NALF1: variants seen among roughly 807,000 people sequenced by gnomAD.
The protein encoded by NALF1 is NALCN channel auxiliary factor 1, also known as family with sequence similarity 155 member A.
NALF1 carries 3 observed loss-of-function variants against 48.4 expected under a neutral mutation model. That is an observed-to-expected ratio of 0.06 (90% CI 0.03 to 0.16). The LOEUF (loss-of-function observed/expected upper bound fraction) is 0.16. Ranked by LOEUF, NALF1 falls within the 10% of genes least tolerant of loss-of-function variation. NALF1 has a pLI of 1.00. For missense variants in NALF1, 526 were observed against 571.5 expected (o/e 0.92, Z 0.81); for synonymous variants, 262 against 245.7 (o/e 1.07, Z -0.62).
rs913662426 is a variant in NALF1, at chr13:107,209,897, T to C, written c.1087+687A>G. 9.2e-5 allele frequency among the ~76,000 whole-genome samples: 14 copies of C among 152,312 alleles called. 1 individual carries two copies. The highest frequency in any genetic ancestry group is 1.8e-4 in the Non-Finnish European group (12 of 68,028). On this transcript the variant is annotated intron_variant, in intron 2 of 2. Coordinates refer to ENST00000375915, the MANE Select transcript of NALF1 (RefSeq NM_001080396.3). ...CTTGTTCTCACCATTTAATTATCTTTTTATTTTTTAAAAAAAGGCTCTTGC... is the reference window on the plus strand; with the variant it reads ...CTTGTTCTCACCATTTAATTATCTTCTTATTTTTTAAAAAAAGGCTCTTGC...
At chr13:107,701,504 G>C (rs192425183) in intron 1 of NALF1, among the ~76,000 whole-genome samples, 1 of 152,286 alleles carries the variant, frequency 6.6e-6, no homozygotes, top group Non-Finnish European at 1.5e-5. Context: ...TACCAGGTAT[G>C]AGGGAGGGAG....
chr13:107,320,552 T>A (rs531154445), intron 1 of NALF1, among the ~76,000 whole-genome samples: 1 of 152,172 alleles, frequency 6.6e-6, no homozygotes, highest in South Asian at 2.1e-4. Flanking sequence ...CTAGAATGGG[T>A]AATAAAAAGC....
chr13:107,813,339 C>T (rs895767111), intron 1 of NALF1, among the ~76,000 whole-genome samples: 45 of 152,212 alleles, frequency 3.0e-4, no homozygotes, highest in African/African-American at 1.1e-3. Context: ...TTTATAAACA[C>T]AAGCTTAAAA....
chr13:107,652,209 C>A (rs1360138524), intron 1 of NALF1, among the ~76,000 whole-genome samples: 1 of 152,056 alleles, frequency 6.6e-6, no homozygotes, highest in Non-Finnish European at 1.5e-5. Context: ...ATTGGATTAC[C>A]TAAGGATTTA....
At chr13:107,261,006 T>C (rs1880918090) in intron 1 of NALF1, among the ~76,000 whole-genome samples, 1 of 152,212 alleles carries the variant, frequency 6.6e-6, no homozygotes, top group African/African-American at 2.4e-5. Context: ...TATTGGAGCC[T>C]GGGTTCCTGA....
At chr13:107,696,297 T>A (rs549524730) in intron 1 of NALF1, among the ~76,000 whole-genome samples, 1 of 152,242 alleles carries the variant, frequency 6.6e-6, no homozygotes, top group Non-Finnish European at 1.5e-5. Flanking sequence ...GTAAAAGATA[T>A]ACTATTGTAA....
intron 1 of NALF1, among the ~76,000 whole-genome samples, chr13:107,238,623 T>TG (rs924635760): frequency 3.3e-5 from 5 of 152,148 alleles, no homozygotes; most frequent in Non-Finnish European, 7.3e-5. Flanking sequence ...GATGAGTAGG[T>TG]GTTAGCCTAG....
At chr13:107,279,043 CT>C (rs200133690) in intron 1 of NALF1, among the ~76,000 whole-genome samples, 5,635 of 122,848 alleles carry the variant, frequency 0.046, 230 homozygotes, top group East Asian at 0.35. Flanking sequence ...TTCTTTTCTT[CT>C]TTTTTTTTTT....
chr13:107,842,795 A>G (rs1566503298), intron 1 of NALF1, among the ~76,000 whole-genome samples: 1 of 152,094 alleles, frequency 6.6e-6, no homozygotes, highest in Non-Finnish European at 1.5e-5. Context: ...GTCATTCCTC[A>G]GCACACTCTT....
At chr13:107,385,552 C>CAA (rs201307018) in intron 1 of NALF1, among the ~76,000 whole-genome samples, 1,335 of 117,848 alleles carry the variant, frequency 0.011, 82 homozygotes, top group South Asian at 0.023. Flanking sequence ...GATTCCATCT[C>CAA]AAAAAAAAAA....
chr13:107,659,114 G>GACACAC (rs71121541), intron 1 of NALF1, among the ~76,000 whole-genome samples: 30,313 of 145,736 alleles, frequency 0.21, 3,206 homozygotes, highest in Middle Eastern at 0.27. Flanking sequence ...CTGACACACA[G>GACACAC]ACACACACAC....
Position 107,190,379 on chromosome 13 carries a change from A to T in NALF1, c.1088-19593T>A, listed in dbSNP as rs1303789307. ...ACTACCCCAATGTCTGTGTACACTCACGCATACACAGAACAAGCTAATGGC... is the reference window on the plus strand; with the variant it reads ...ACTACCCCAATGTCTGTGTACACTCTCGCATACACAGAACAAGCTAATGGC... On this transcript the variant is annotated intron_variant, in intron 2 of 2. Transcript: ENST00000375915. 9.8e-5 allele frequency among the ~76,000 whole-genome samples: 15 copies of T among 152,332 alleles called. No individual in the cohort carries two copies. In the East Asian group the frequency reaches 1.9e-3, roughly 20 times the overall value.
In NALF1 at chr13:107,556,274, T is replaced by C. The variant is rs77248161; in HGVS notation, c.915+309408A>G. 1.5e-3 allele frequency among the ~76,000 whole-genome samples: 27 copies of C among 17,704 alleles called. 2 individuals carry two copies. The East Asian group carries it at 0.023, about 15-fold the overall frequency. The allele number at this position is 17,704 out of a possible 152,430, so 11.6% of individuals were successfully genotyped here. ...CCTCTCCTCTCTCTCTCTCTCAACA[T>C]ATATATATATATATATATATATACA... On this transcript the variant is annotated intron_variant, in intron 1 of 2. Transcript: ENST00000375915.
intron 1 of NALF1, among the ~76,000 whole-genome samples, chr13:107,342,186 C>G (rs537874993): frequency 6.6e-6 from 1 of 152,054 alleles, no homozygotes; most frequent in Non-Finnish European, 1.5e-5. Flanking sequence ...ATGGAACAAA[C>G]AAATCATTTG....
chr13:107,581,629 A>G (rs1249182065), intron 1 of NALF1, among the ~76,000 whole-genome samples: 3 of 152,210 alleles, frequency 2.0e-5, no homozygotes, highest in Admixed American at 6.5e-5. Context: ...CTAAGTTTTA[A>G]TAAAACAAAA....
At chr13:107,519,439 G>A (rs1876165073) in intron 1 of NALF1, among the ~76,000 whole-genome samples, 1 of 152,024 alleles carries the variant, frequency 6.6e-6, no homozygotes, top group African/African-American at 2.4e-5. Context: ...ACTAAGTAAT[G>A]GTTTCCAAAA....
chr13:107,654,572 A>G (rs1182714421), intron 1 of NALF1, among the ~76,000 whole-genome samples: 1 of 152,140 alleles, frequency 6.6e-6, no homozygotes, highest in Non-Finnish European at 1.5e-5. Context: ...CAGACATTCA[A>G]AGAGTTTGTA....
At chr13:107,222,801 G>A (rs1880021734) in intron 1 of NALF1, among the ~76,000 whole-genome samples, 1 of 152,218 alleles carries the variant, frequency 6.6e-6, no homozygotes, top group Admixed American at 6.5e-5. Flanking sequence ...CTCCGCAGGA[G>A]GGGCCTAGCC....
intron 1 of NALF1, among the ~76,000 whole-genome samples, chr13:107,726,770 GC>G (rs150056993): frequency 0.039 from 5,982 of 151,884 alleles, 387 homozygotes; most frequent in African/African-American, 0.14. Flanking sequence ...GCCACCACAT[GC>G]GGCTAATTTT....
Sources: allele counts gnomAD v4.1 joint callset (sites outside exome capture counted in the v4.1 genomes callset), GRCh38; gene constraint gnomAD v4.1.1; transcripts MANE v1.5; gene names NCBI Gene and HGNC (gene_info 2026-07-23, HGNC 2026-07-21).